PPIP5K2: variants seen among roughly 807,000 people sequenced by gnomAD.
PPIP5K2 encodes diphosphoinositol pentakisphosphate kinase 2.
A neutral mutation model predicts 154.6 loss-of-function variants in PPIP5K2; 105 were observed. That is an observed-to-expected ratio of 0.68 (90% confidence interval 0.58 to 0.80). The LOEUF (loss-of-function observed/expected upper bound fraction) is 0.80, where lower values mean the gene tolerates loss of function less well. Ranked by LOEUF, PPIP5K2 falls within the 30% of genes least tolerant of loss-of-function variation. The pLI is 0.00. For missense variants in PPIP5K2, 992 were observed against 1,504.6 expected, an observed-to-expected ratio of 0.66 and a Z score of 5.64; for synonymous variants, 480 against 490.3, an observed-to-expected ratio of 0.98 and a Z score of 0.28.
intron 3 of PPIP5K2, 128 bp from the exon 4 acceptor site, chr5:103,136,604 C>T: frequency 1.4e-6 from 1 of 692,042 alleles, no homozygotes; most frequent in Non-Finnish European, 2.6e-6. Context: ...TATTCCATAC[C>T]TTTTATAGAA....
At chr5:103,173,086 T>A in intron 19 of PPIP5K2, 69 bp from the exon 20 acceptor site, 1 of 1,300,834 alleles carries the variant, frequency 7.7e-7, no homozygotes. Flanking sequence ...TAGACTAATT[T>A]AGGAGTGTAT....
intron 5 of PPIP5K2, among the ~76,000 whole-genome samples, chr5:103,146,261 T>A (rs549490496): frequency 5.9e-5 from 9 of 152,180 alleles, no homozygotes; most frequent in African/African-American, 2.2e-4. Flanking sequence ...GATATAATAA[T>A]TTCACATCTA....
rs1439990421 is a variant in PPIP5K2, at chr5:103,207,692, C to A, written c.*6058C>A. On this transcript the variant is annotated 3_prime_UTR_variant, in exon 31 of 31. Coordinates refer to ENST00000358359, the MANE Select transcript of PPIP5K2 (RefSeq NM_001276277.3). ...GTTGATTATTTTTTCCTTTTCATTT[C>A]TTTTCTGAACTTTGTTAGCTTATGT... is the stretch of plus-strand genomic sequence containing the variant. 7.3e-5 allele frequency: 11 copies of A among 151,534 alleles called. No homozygotes were observed. Among genetic ancestry groups the A allele is most frequent in the African/African-American group, 2.4e-4 (10 of 41,252 alleles). 9.4% of individuals were successfully genotyped at this position (151,534 alleles called of 1,614,324 possible).
chr5:103,121,084 G>T (rs1357070028), intron 1 of PPIP5K2, among the ~76,000 whole-genome samples: 1 of 152,018 alleles, frequency 6.6e-6, no homozygotes. Context: ...ACCACTTCCT[G>T]GGAGATTGCG....
At chr5:103,158,397 T>C in intron 15 of PPIP5K2, 55 bp from the exon 16 acceptor site, 1 of 1,590,434 alleles carries the variant, frequency 6.3e-7, no homozygotes, top group Non-Finnish European at 8.5e-7. Context: ...TAAACATTTA[T>C]AGAAATACAA....
At chr5:103,163,837 A>G (rs944866592) in intron 17 of PPIP5K2, among the ~76,000 whole-genome samples, 2 of 151,932 alleles carry the variant, frequency 1.3e-5, no homozygotes, top group Non-Finnish European at 2.9e-5. Context: ...TTTCTTTCAT[A>G]TCACTGATTT....
intron 6 of PPIP5K2, among the ~76,000 whole-genome samples, chr5:103,147,021 C>T (rs1793859748): frequency 6.6e-6 from 1 of 151,752 alleles, no homozygotes; most frequent in Admixed American, 6.6e-5. Flanking sequence ...GAAAAAGTAA[C>T]ACTAATAACT....
At chr5:103,141,978 G>T (rs1284030130) in intron 5 of PPIP5K2, among the ~76,000 whole-genome samples, 11 of 152,344 alleles carry the variant, frequency 7.2e-5, no homozygotes, top group African/African-American at 2.6e-4. Flanking sequence ...TCACCCAGTG[G>T]ATCCCGCACC....
At position 103,190,969 on chromosome 5, in the gene PPIP5K2, G is replaced by A. The variant is rs1554226755; in HGVS notation, c.3480G>A (p.Lys1160=). ...CTCCATCATCTGACGTTCCACGGAA[G>A]ACCGCTGAAATTTGTAGGAAATTTT... ...IASPSSDVPR[K]TAEISSTALR... is the part of the protein sequence containing the mutation. The change falls in exon 29 of 31, where the codon AAG becomes AAA. Residue 1160 remains lysine (K), a synonymous_variant. Transcript: ENST00000358359. 1 of 1,604,996 alleles carries A rather than the reference G, an allele frequency of 6.2e-7. No individual in the cohort carries two copies. The highest frequency in any genetic ancestry group is 1.3e-5 in the African/African-American group (1 of 74,258).
At chr5:103,191,027 C>T in intron 29 of PPIP5K2, 45 bp downstream of exon 29, 1 of 1,563,050 alleles carries the variant, frequency 6.4e-7, no homozygotes, top group Non-Finnish European at 8.7e-7. Context: ...TGCTGGGCAA[C>T]TACATACTAT....
intron 5 of PPIP5K2, among the ~76,000 whole-genome samples, chr5:103,141,637 T>C (rs1359929398): frequency 1.3e-5 from 2 of 152,042 alleles, no homozygotes; most frequent in Non-Finnish European, 2.9e-5. Flanking sequence ...AGATACAGAG[T>C]TTCGACACAC....
chr5:103,142,602 GTC>G (rs1244482041), intron 5 of PPIP5K2, among the ~76,000 whole-genome samples: 1 of 152,108 alleles, frequency 6.6e-6, no homozygotes, highest in Non-Finnish European at 1.5e-5. Context: ...TCACCTCTCA[GTC>G]TCTACTAAAA....
rs1803870847 is a variant in PPIP5K2 at position 103,212,750 on chromosome 5, G to C, written c.*11116G>C. On this transcript the variant is annotated 3_prime_UTR_variant, in exon 31 of 31. Transcript: ENST00000358359. ...TATTGTAAAGTTAAAAATTTTTTCA[G>C]TCATCTGTAATCTCATTACCCAAGT... The C allele has an allele frequency of 6.6e-6, 1 of 151,980 alleles. No homozygotes were observed. The highest frequency in any genetic ancestry group is 2.1e-4 in the South Asian group (1 of 4,830). 9.4% of individuals were successfully genotyped at this position (151,980 alleles called of 1,614,324 possible).
At chr5:103,121,245 T>C (rs1554198962) in intron 1 of PPIP5K2, among the ~76,000 whole-genome samples, 1 of 152,210 alleles carries the variant, frequency 6.6e-6, no homozygotes, top group East Asian at 1.9e-4. Flanking sequence ...AAATAGATAA[T>C]TTTTTTGTCT....
intron 6 of PPIP5K2, among the ~76,000 whole-genome samples, chr5:103,146,937 A>G (rs893917141): frequency 3.3e-5 from 5 of 151,950 alleles, no homozygotes; most frequent in Non-Finnish European, 7.4e-5. Context: ...CATTTTGTAC[A>G]TCTGTCAAAC....
chr5:103,187,439 A>G (rs1247925346), intron 28 of PPIP5K2, 63 bp downstream of exon 28: 7 of 1,287,904 alleles, frequency 5.4e-6, no homozygotes, highest in Non-Finnish European at 5.4e-6. Context: ...TTTTTATTTT[A>G]TTTCAAAATG....
At chr5:103,145,741 T>C (rs1793645589) in intron 5 of PPIP5K2, among the ~76,000 whole-genome samples, 1 of 151,608 alleles carries the variant, frequency 6.6e-6, no homozygotes, top group Non-Finnish European at 1.5e-5. Flanking sequence ...GTTGCAAGGA[T>C]GACGGGGATG....
rs941930832 is a variant in PPIP5K2 at position 103,141,641 on chromosome 5, G to A, written c.487+3172G>A. On this transcript the variant is annotated intron_variant, in intron 5 of 30. Coordinates refer to ENST00000358359, the MANE Select transcript of PPIP5K2 (RefSeq NM_001276277.3). ...TCAGATTAGTTAGATACAGAGTTTC[G>A]ACACACAGGTTCTCCAAGGCCCCAC... 7.8e-4 allele frequency among the ~76,000 whole-genome samples: 118 copies of A among 152,214 alleles called. 1 individual carries two copies. The highest frequency in any genetic ancestry group is 2.8e-3 in the African/African-American group (117 of 41,526).
chr5:103,195,137 G>A (rs1226107946), intron 30 of PPIP5K2, 112 bp downstream of exon 30: 13 of 1,340,768 alleles, frequency 9.7e-6, no homozygotes, highest in Non-Finnish European at 1.3e-5. Context: ...CTTCCCTAGA[G>A]CGTAATGATC....
Sources: gnomAD v4.1 joint callset for allele counts (sites outside exome capture counted in the v4.1 genomes callset) on GRCh38, gnomAD v4.1.1 for gene constraint, MANE v1.5 for transcripts, NCBI Gene and HGNC (gene_info 2026-07-23, HGNC 2026-07-21) for gene names.